Variants in ODF2L observed in about 807,000 individuals in gnomAD.
The protein encoded by ODF2L is protein BCAP.
A neutral mutation model predicts 86.3 loss-of-function variants in ODF2L; 76 were observed. That is an observed-to-expected ratio of 0.88 (90% CI 0.73 to 1.07). The LOEUF (loss-of-function observed/expected upper bound fraction) is 1.07. Among genes scored for constraint, ODF2L ranks in the 50% least tolerant of loss-of-function variants. The probability of loss-of-function intolerance (pLI) is 0.00; values close to 1 mark genes in which losing one functional copy is unlikely to be tolerated. For synonymous variants in ODF2L, 241 were observed against 231.3 expected (o/e 1.04, Z -0.38); for missense variants, 748 against 717.4 (o/e 1.04, Z -0.49).
chr1:86,376,188 G>A (rs761905642), intron 8 of ODF2L, 45 bp downstream of exon 8: 26 of 1,061,132 alleles, frequency 2.5e-5, no homozygotes, highest in Admixed American at 1.0e-4. Flanking sequence ...TATAAACTAC[G>A]TACATAATAG....
exon 7 of ODF2L, chr1:86,382,341 T>G: frequency 6.2e-7 from 1 of 1,611,872 alleles, no homozygotes; most frequent in Non-Finnish European, 8.5e-7. Flanking sequence ...AAAAACGGTT[T>G]GCTTTCAAAG....
In ODF2L at chr1:86,381,064, G is replaced by A. The variant is rs1195794360; in HGVS notation, c.624+1178C>T. Among the ~76,000 whole-genome samples the A allele has an allele frequency of 2.0e-5, 3 of 152,092 alleles. No homozygotes were observed. In the East Asian group the frequency reaches 5.8e-4, roughly 29 times the overall value. ...CACTTAATGCCTTAAATCCAAAAGT[G>A]TGTGAGAGAAAATGTAGAAAAATTC... On this transcript the variant is annotated intron_variant, in intron 7 of 17. Transcript: ENST00000317336.
intron 1 of ODF2L, among the ~76,000 whole-genome samples, chr1:86,390,515 G>A (rs1345126954): frequency 6.6e-6 from 1 of 152,122 alleles, no homozygotes; most frequent in African/African-American, 2.4e-5. Flanking sequence ...TACAGATGCA[G>A]GGATGGTTTA....
Position 86,382,234 on chromosome 1 carries a change from T to C in ODF2L, c.624+8A>G, listed in dbSNP as rs774832809. The stretch of plus-strand genomic sequence containing the variant: ...AGCTATAAAAATGGATATATATTTA[T>C]ATATAACCTTTACATATTCTTTCAA... On this transcript the variant is annotated splice_region_variant and intron_variant, in intron 7 of 17. Transcript: ENST00000317336. The C allele has an allele frequency of 3.8e-6, 6 of 1,597,632 alleles. No individual in the cohort carries two copies. The highest frequency in any genetic ancestry group is 5.1e-6 in the Non-Finnish European group (6 of 1,174,102).
exon 3 of ODF2L, chr1:86,385,564 T>C (rs779867038): frequency 6.2e-7 from 1 of 1,611,472 alleles, no homozygotes; most frequent in African/African-American, 1.3e-5. Flanking sequence ...CAATTCAGTC[T>C]TTTCATTTAG....
chr1:86,378,031 CA>C (rs1334345311), intron 7 of ODF2L, among the ~76,000 whole-genome samples: 1 of 152,158 alleles, frequency 6.6e-6, no homozygotes, highest in East Asian at 1.9e-4. Flanking sequence ...ATGTATGTTC[CA>C]ATTTCAAACC....
chr1:86,351,854 A>G (rs1195389176), exon 18 of ODF2L: 39 of 1,015,922 alleles, frequency 3.8e-5, no homozygotes, highest in Non-Finnish European at 4.2e-5. Context: ...CTTTGTGGCA[A>G]TTGTGAATGG....
chr1:86,352,897 TTTTC>T lies in ODF2L; in HGVS notation c.1851_1854del (p.Lys618MetfsTer11), dbSNP rs1324461475. 7.1e-6 allele frequency: 11 copies of T among 1,554,906 alleles called. No individual in the cohort carries two copies. The highest frequency in any genetic ancestry group is 1.4e-5 in the African/African-American group (1 of 73,212). ...CAAACAAGTTGATTTTGTTCTTCAT[TTTTC>T]TTTCTAAGCTCAGTTTCCAGATCTA... On this transcript the variant is annotated frameshift_variant, in exon 17 of 18. Coordinates refer to ENST00000317336, the Ensembl canonical transcript of ODF2L. LOFTEE classifies it high-confidence loss of function.
chr1:86,361,185 G>A (rs1659008560), intron 11 of ODF2L, among the ~76,000 whole-genome samples: 1 of 152,190 alleles, frequency 6.6e-6, no homozygotes, highest in Admixed American at 6.5e-5. Flanking sequence ...GATGCTAACA[G>A]AAGGTACAAG....
chr1:86,362,299 T>C (rs1301271077), intron 11 of ODF2L, among the ~76,000 whole-genome samples: 1 of 151,870 alleles, frequency 6.6e-6, no homozygotes, highest in Non-Finnish European at 1.5e-5. Flanking sequence ...TTTTAATTTG[T>C]ATTTATTAAT....
intron 8 of ODF2L, among the ~76,000 whole-genome samples, chr1:86,375,931 T>C (rs1660135776): frequency 6.6e-6 from 1 of 152,188 alleles, no homozygotes. Flanking sequence ...GAAATATGTA[T>C]GAAGTATTAC....
intron 2 of ODF2L, 133 bp from the exon 3 acceptor site, chr1:86,385,723 T>C: frequency 1.7e-6 from 1 of 585,180 alleles, no homozygotes; most frequent in Non-Finnish European, 2.9e-6. Context: ...GCTCGAAACT[T>C]GGACTTTGAG....
chr1:86,376,127 A>G (rs1470319480), intron 8 of ODF2L, 106 bp downstream of exon 8: 4 of 566,882 alleles, frequency 7.1e-6, no homozygotes, highest in Non-Finnish European at 8.7e-6. Context: ...TGGTATTAAC[A>G]GCATTAAGAA....
At chr1:86,375,966 CT>C (rs1255251285) in intron 8 of ODF2L, among the ~76,000 whole-genome samples, 2 of 152,020 alleles carry the variant, frequency 1.3e-5, no homozygotes, top group Non-Finnish European at 2.9e-5. Context: ...CCAATAGAAC[CT>C]TTTTTTGTGT....
At chr1:86,357,649 G>A in intron 13 of ODF2L, 1 of 392,158 alleles carries the variant, frequency 2.5e-6, no homozygotes, top group Non-Finnish European at 3.4e-6. Flanking sequence ...AGGACACTGA[G>A]GGATCCAGAA....
intron 4 of ODF2L, among the ~76,000 whole-genome samples, 165 bp downstream of exon 4, chr1:86,384,511 T>C (rs1003264408): frequency 1.3e-5 from 2 of 151,882 alleles, no homozygotes; most frequent in Non-Finnish European, 3.0e-5. Context: ...GTGGTGTTCA[T>C]ATACAACTAC....
At position 86,360,518 on chromosome 1, in the gene ODF2L, T is replaced by C. The variant is rs899482665; in HGVS notation, c.1162A>G (p.Lys388Glu). The change falls in exon 12 of 18, where the codon AAG becomes GAG. Residue 388 changes from lysine (K) to glutamate (E), a missense_variant. Transcript: ENST00000317336. ...TTTTCAACAGATACAACTTCATCCT[T>C]CAAAGCAGCAAGTGTAGTCTAGCAA... 4 of 1,585,786 alleles carry C rather than the reference T, an allele frequency of 2.5e-6. No individual in the cohort carries two copies. The African/African-American group carries it at 5.4e-5, about 21-fold the overall frequency.
At chr1:86,360,535 G>A in exon 12 of ODF2L, 1 of 1,456,346 alleles carries the variant, frequency 6.9e-7, no homozygotes. Flanking sequence ...AGCAAGTGTA[G>A]TCTAGCAAAA....
Position 86,356,368 on chromosome 1 carries a change from G to A in ODF2L, c.1518+76C>T. 2.5e-6 allele frequency: 3 copies of A among 1,190,372 alleles called. 1 individual carries two copies. Among genetic ancestry groups the A allele is most frequent in the African/African-American group, 3.1e-5 (2 of 65,508 alleles). 73.7% of individuals were successfully genotyped at this position (1,190,372 alleles called of 1,614,324 possible). A position where few individuals can be genotyped will look rare whatever the true frequency, so the allele number is the denominator to read the frequency against. On this transcript the variant is annotated intron_variant, in intron 14 of 17. Transcript: ENST00000317336. ...ATTTAAAAATCAAGCCCTGACATGA[G>A]TGCCCTCAACTGGTGAAATCATTCC...
Sources: gnomAD v4.1 joint callset for allele counts (sites outside exome capture counted in the v4.1 genomes callset) on GRCh38, gnomAD v4.1.1 for gene constraint, MANE v1.5 for transcripts, NCBI Gene and HGNC (gene_info 2026-07-23, HGNC 2026-07-21) for gene names.